MAGI2: variants seen among roughly 807,000 people sequenced by gnomAD.
MAGI2 encodes membrane-associated guanylate kinase, WW and PDZ domain-containing protein 2.
MAGI2 carries 35 observed loss-of-function variants against 133.3 expected under a neutral mutation model. The observed-to-expected ratio is 0.26, with a 90% confidence interval of 0.20 to 0.35. MAGI2 has a LOEUF of 0.35. Ranked by LOEUF, MAGI2 falls within the 10% of genes least tolerant of loss-of-function variation. The probability of loss-of-function intolerance (pLI) is 1.00; values close to 1 mark genes in which losing one functional copy is unlikely to be tolerated. For synonymous variants in MAGI2, 729 were observed against 710.6 expected (o/e 1.03, Z -0.41); for missense variants, 1,636 against 1,863.4 (o/e 0.88, Z 2.25).
chr7:79,090,577 C>A (rs532201672), intron 1 of MAGI2, among the ~76,000 whole-genome samples: 22 of 152,090 alleles, frequency 1.4e-4, no homozygotes, highest in African/African-American at 5.1e-4. Flanking sequence ...GTAGCTCATG[C>A]GACATGTATA....
In MAGI2 at chr7:78,019,512, C is replaced by G; in HGVS notation, c.4171G>C (p.Gly1391Arg). Residue 1391 changes from glycine to arginine, a missense_variant, in exon 22 of 22, where the codon GGC becomes CGC. By Grantham distance (125) the Gly-to-Arg change is moderately radical. Transcript: ENST00000354212. Reference sequence around the variant, plus strand: ...GCGCCGCTGCCGCCGCCGCCCGGGCCGGCAAACGCCGGCGCAGCCCCCGGG... The same window carrying G: ...GCGCCGCTGCCGCCGCCGCCCGGGCGGGCAAACGCCGGCGCAGCCCCCGGG... ...EGPGAAPAFA[G>R]PGGGGSGALE... 1 of 980,306 alleles carries G rather than the reference C, an allele frequency of 1.0e-6. No individual in the cohort carries two copies. Among genetic ancestry groups the G allele is most frequent in the Non-Finnish European group, 1.2e-6 (1 of 828,218 alleles). 60.7% of individuals were successfully genotyped at this position (980,306 alleles called of 1,614,324 possible). A position where few individuals can be genotyped will look rare whatever the true frequency, so the allele number is the denominator to read the frequency against.
chr7:79,227,358 T>A (rs13237397), intron 1 of MAGI2, among the ~76,000 whole-genome samples: 1 of 151,668 alleles, frequency 6.6e-6, no homozygotes, highest in Non-Finnish European at 1.5e-5. Flanking sequence ...CTCAATATAT[T>A]CCATGGCAGG....
At chr7:78,834,074 T>C (rs933881836) in intron 2 of MAGI2, among the ~76,000 whole-genome samples, 1 of 152,008 alleles carries the variant, frequency 6.6e-6, no homozygotes, top group East Asian at 1.9e-4. Flanking sequence ...TCATAGCTCA[T>C]TGCAGCCTTG....
intron 2 of MAGI2, among the ~76,000 whole-genome samples, chr7:78,682,616 C>G (rs747928525): frequency 2.6e-5 from 4 of 152,148 alleles, no homozygotes; most frequent in Non-Finnish European, 5.9e-5. Flanking sequence ...TTTATCCAGT[C>G]TATCATTGAT....
chr7:78,807,875 C>T (rs1168530475), intron 2 of MAGI2, among the ~76,000 whole-genome samples: 2 of 151,818 alleles, frequency 1.3e-5, no homozygotes, highest in Non-Finnish European at 2.9e-5. Context: ...CTTATCTTTA[C>T]AACAGATGAA....
intron 1 of MAGI2, among the ~76,000 whole-genome samples, chr7:79,218,387 G>A (rs749946673): frequency 2.0e-5 from 3 of 152,128 alleles, no homozygotes; most frequent in South Asian, 2.1e-4. Context: ...AGAGACAGAC[G>A]CCGTCAGGTG....
intron 1 of MAGI2, among the ~76,000 whole-genome samples, chr7:79,064,686 A>G (rs1401700604): frequency 6.6e-6 from 1 of 152,070 alleles, no homozygotes; most frequent in Non-Finnish European, 1.5e-5. Flanking sequence ...TTGACAATCC[A>G]TTATTCCTTC....
chr7:78,389,418 T>G (rs1795697742), intron 6 of MAGI2, among the ~76,000 whole-genome samples: 1 of 152,196 alleles, frequency 6.6e-6, no homozygotes, highest in South Asian at 2.1e-4. Context: ...GGTGAGAAAC[T>G]TGAAGATAGG....
chr7:78,197,317 A>G (rs889979881), intron 11 of MAGI2, among the ~76,000 whole-genome samples: 1 of 152,218 alleles, frequency 6.6e-6, no homozygotes, highest in Non-Finnish European at 1.5e-5. Context: ...GTTTTCAAAT[A>G]TAAGATACTA....
chr7:78,331,987 C>T (rs533736430), intron 9 of MAGI2, among the ~76,000 whole-genome samples: 64 of 152,300 alleles, frequency 4.2e-4, no homozygotes, highest in African/African-American at 1.4e-3. Flanking sequence ...TACTGTGTGA[C>T]TAATCCAAAT....
chr7:79,005,647 T>A (rs1807360988), intron 2 of MAGI2, among the ~76,000 whole-genome samples: 1 of 152,198 alleles, frequency 6.6e-6, no homozygotes, highest in Admixed American at 6.5e-5. Flanking sequence ...CAGCCTGGTT[T>A]CTTTATTCAG....
intron 2 of MAGI2, among the ~76,000 whole-genome samples, chr7:78,628,569 T>A (rs1310018293): frequency 6.6e-6 from 1 of 151,860 alleles, no homozygotes; most frequent in Non-Finnish European, 1.5e-5. Context: ...AATGAATAAT[T>A]CCTATTGAAA....
intron 12 of MAGI2, among the ~76,000 whole-genome samples, chr7:78,188,110 C>T (rs1453504031): frequency 6.6e-6 from 1 of 152,076 alleles, no homozygotes; most frequent in Non-Finnish European, 1.5e-5. Flanking sequence ...AATATGTGTC[C>T]TACCACAACT....
intron 9 of MAGI2, among the ~76,000 whole-genome samples, chr7:78,307,917 A>G (rs1798376118): frequency 6.6e-6 from 1 of 152,188 alleles, no homozygotes; most frequent in Non-Finnish European, 1.5e-5. Context: ...TACCTGCCCA[A>G]GCAAGGTGCT....
intron 1 of MAGI2, among the ~76,000 whole-genome samples, chr7:79,342,103 C>T (rs891234804): frequency 2.0e-5 from 3 of 152,186 alleles, no homozygotes; most frequent in African/African-American, 7.2e-5. Flanking sequence ...TACCTACTTA[C>T]CAGGTTCCTC....
At chr7:79,146,276 C>G (rs1466285503) in intron 1 of MAGI2, among the ~76,000 whole-genome samples, 1 of 152,144 alleles carries the variant, frequency 6.6e-6, no homozygotes, top group Non-Finnish European at 1.5e-5. Flanking sequence ...TTCAGGCAAC[C>G]ACACCTTTTT....
intron 21 of MAGI2, among the ~76,000 whole-genome samples, chr7:78,052,846 A>AT (rs59574747): frequency 1.2e-3 from 177 of 148,698 alleles, no homozygotes; most frequent in Middle Eastern, 0.01. Flanking sequence ...AGCTTCAAGG[A>AT]TTTTTTTTTT....
chr7:78,163,429 G>T (rs775421809), intron 15 of MAGI2, among the ~76,000 whole-genome samples: 30 of 152,050 alleles, frequency 2.0e-4, no homozygotes, highest in Non-Finnish European at 3.5e-4. Flanking sequence ...GTGAGCCACC[G>T]TGCCTGGCCT....
intron 21 of MAGI2, among the ~76,000 whole-genome samples, chr7:78,070,460 GTATATATGTGTGTA>G (rs1814485016): frequency 3.4e-5 from 5 of 146,176 alleles, no homozygotes; most frequent in African/African-American, 5.1e-5. Context: ...ATATGTGTGT[GTATATATGTGTGTA>G]TATATATGTG....
Sources: gnomAD v4.1 joint callset for allele counts (sites outside exome capture counted in the v4.1 genomes callset) on GRCh38, gnomAD v4.1.1 for gene constraint, MANE v1.5 for transcripts, NCBI Gene and HGNC (gene_info 2026-07-23, HGNC 2026-07-21) for gene names.